The following MXD4 variants were observed in gnomAD, a reference collection of about 807,000 sequenced individuals.
The protein encoded by MXD4 is MAX dimerization protein 4.
A neutral mutation model predicts 24.5 loss-of-function variants in MXD4; 16 were observed. The observed-to-expected ratio is 0.65, with a 90% CI of 0.44 to 0.99. MXD4 has a LOEUF of 0.99. Among genes scored for constraint, MXD4 ranks in the 50% least tolerant of loss-of-function variants. MXD4 has a pLI of 0.00. For synonymous variants in MXD4, 164 were observed against 134.2 expected, an observed-to-expected ratio of 1.22 and a Z score of -1.54; for missense variants, 301 against 301.5, an observed-to-expected ratio of 1.00 and a Z score of 0.01.
rs567575145 is a variant in MXD4 at position 2,257,928 on chromosome 4, G to A, written c.194+54C>T. The A allele has an allele frequency of 2.4e-5, 39 of 1,607,686 alleles. No individual in the cohort carries two copies. In the African/African-American group the frequency reaches 4.9e-4, roughly 20 times the overall value. On this transcript the variant is annotated intron_variant, in intron 3 of 5. Transcript: ENST00000337190. ...AGGCTCAACGCACCACACACCCTCA[G>A]TAAAAGGGTGGGCCAGGTGTCGGGC...
At position 2,250,058 on chromosome 4, in the gene MXD4, C is replaced by T. The variant is rs761356585; in HGVS notation, c.*486G>A. ...TTCCCGCCCTTCACAGACCCCTTGT[C>T]CACGCCAGGAGCCTATGTGGACTGA... is the stretch of plus-strand genomic sequence containing the variant. On this transcript the variant is annotated 3_prime_UTR_variant, in exon 6 of 6. Transcript: ENST00000337190. 1.2e-5 allele frequency: 2 copies of T among 160,166 alleles called. No homozygotes were observed. The highest frequency in any genetic ancestry group is 2.8e-5 in the Non-Finnish European group (2 of 71,446). The allele number at this position is 160,166 out of a possible 1,614,324, so 9.9% of individuals were successfully genotyped here. A position where few individuals can be genotyped will look rare whatever the true frequency, so the allele number is the denominator to read the frequency against.
Position 2,251,333 on chromosome 4 carries a change from C to T in MXD4, c.310-87G>A, listed in dbSNP as rs868491620. ...AGGCACTGGGGCACCCAGGCCTGGGCCCGGGAGGTTCCCCATCCCTGCCAA... is the reference window on the plus strand; with the variant it reads ...AGGCACTGGGGCACCCAGGCCTGGGTCCGGGAGGTTCCCCATCCCTGCCAA... On this transcript the variant is annotated intron_variant, in intron 4 of 5. Transcript: ENST00000337190. 31 of 1,415,894 alleles carry T rather than the reference C, an allele frequency of 2.2e-5. 2 individuals are homozygous for T. In the Middle Eastern group the frequency reaches 7.0e-4, roughly 32 times the overall value. 87.7% of individuals were successfully genotyped at this position (1,415,894 alleles called of 1,614,324 possible).
chr4:2,251,552 C>T (rs966449489), intron 4 of MXD4, among the ~76,000 whole-genome samples: 6 of 152,258 alleles, frequency 3.9e-5, no homozygotes, highest in East Asian at 1.9e-4. Flanking sequence ...TGTGTGGCAG[C>T]GGGTCAGTGC....
At chr4:2,252,150 GCTT>G (rs1735336517) in intron 4 of MXD4, among the ~76,000 whole-genome samples, 1 of 152,226 alleles carries the variant, frequency 6.6e-6, no homozygotes, top group South Asian at 2.1e-4. Context: ...CTGCGATGCG[GCTT>G]CTTATGCCAT....
In MXD4 at chr4:2,250,136, C is replaced by T. The variant is rs1261637722; in HGVS notation, c.*408G>A. 1 of 194,162 alleles carries T rather than the reference C, an allele frequency of 5.2e-6. No homozygotes were observed. Among genetic ancestry groups the T allele is most frequent in the African/African-American group, 2.3e-5 (1 of 42,878 alleles). 12.0% of individuals were successfully genotyped at this position (194,162 alleles called of 1,614,324 possible). On this transcript the variant is annotated 3_prime_UTR_variant, in exon 6 of 6. Transcript: ENST00000337190. ...ACAGACAGCCTTGCCTTCCTTCCTTCCTCGGTCCACTCCTTTCTCCTGGGA... is the reference window on the plus strand; with the variant it reads ...ACAGACAGCCTTGCCTTCCTTCCTTTCTCGGTCCACTCCTTTCTCCTGGGA...
At position 2,257,883 on chromosome 4, in the gene MXD4, G is replaced by C. The variant is rs976005336; in HGVS notation, c.194+99C>G. On this transcript the variant is annotated intron_variant, in intron 3 of 5. Transcript: ENST00000337190. ...AGGACACAGCCTGGCAGCACGGCTG[G>C]CCGTGCCCGGGACAGGGGCAGGCTC... 13 of 1,494,976 alleles carry C rather than the reference G, an allele frequency of 8.7e-6. No individual in the cohort carries two copies. In the African/African-American group the frequency reaches 1.6e-4, roughly 19 times the overall value. 92.6% of individuals were successfully genotyped at this position (1,494,976 alleles called of 1,614,324 possible).
chr4:2,250,303 G>A lies in MXD4; in HGVS notation c.*241C>T. On this transcript the variant is annotated 3_prime_UTR_variant, in exon 6 of 6. Coordinates refer to ENST00000337190, the MANE Select transcript of MXD4 (RefSeq NM_006454.3). ...ACCGTGGGCGGCTATGCTGACCAGG[G>A]CTCCGGATGTGGAAGCTGGGCCCTG... 1.7e-6 allele frequency: 1 copy of A among 582,880 alleles called. No individual in the cohort carries two copies. The highest frequency in any genetic ancestry group is 3.0e-6 in the Non-Finnish European group (1 of 330,044). The allele number at this position is 582,880 out of a possible 1,614,324, so 36.1% of individuals were successfully genotyped here. A position where few individuals can be genotyped will look rare whatever the true frequency, so the allele number is the denominator to read the frequency against.
chr4:2,260,675 G>A (rs1199315293), intron 2 of MXD4: 1 of 430,992 alleles, frequency 2.3e-6, no homozygotes, highest in Non-Finnish European at 4.7e-6. Flanking sequence ...CAGGGCAGCT[G>A]GAGACTCAAC....
chr4:2,258,533 G>A (rs992211934), intron 2 of MXD4, among the ~76,000 whole-genome samples: 2 of 152,154 alleles, frequency 1.3e-5, no homozygotes, highest in Non-Finnish European at 2.9e-5. Context: ...GGCCAGCTGT[G>A]TCCTTGGAGC....
At chr4:2,259,103 G>C (rs1735489251) in intron 2 of MXD4, 1 of 382,590 alleles carries the variant, frequency 2.6e-6, no homozygotes, top group African/African-American at 2.1e-5. Flanking sequence ...GGCACCTCCA[G>C]ACCCAGCCCT....
intron 4 of MXD4, among the ~76,000 whole-genome samples, chr4:2,251,762 T>C (rs1438486996): frequency 6.6e-6 from 1 of 152,200 alleles, no homozygotes; most frequent in African/African-American, 2.4e-5. Context: ...CCCAGGGCTC[T>C]GGTTGTGCCC....
In MXD4 at chr4:2,250,656, C is replaced by A. The variant is rs1735301126; in HGVS notation, c.518G>T (p.Ser173Ile). Residue 173 changes from serine to isoleucine, a missense_variant, in exon 6 of 6, where the codon AGT becomes ATT. Coordinates refer to ENST00000337190, the MANE Select transcript of MXD4 (RefSeq NM_006454.3). ...GMEFGPGELDSVGSSSDADDH... is the reference protein window; with the variant it reads ...GMEFGPGELDIVGSSSDADDH... ...GTCCGCGTCACTGCTGCTGCCAACA[C>A]TGTCCAGCTCACCAGGGCCAAACTC... 3 of 1,613,658 alleles carry A rather than the reference C, an allele frequency of 1.9e-6. No homozygotes were observed. Among genetic ancestry groups the A allele is most frequent in the Non-Finnish European group, 2.5e-6 (3 of 1,179,974 alleles).
At chr4:2,250,724 G>T (rs1057380218) in intron 5 of MXD4, 23 bp from the exon 6 acceptor site, 1 of 1,609,368 alleles carries the variant, frequency 6.2e-7, no homozygotes, top group Non-Finnish European at 8.5e-7. Flanking sequence ...GAGTGGGGAT[G>T]GGGTCAGGCC....
intron 2 of MXD4, 47 bp downstream of exon 2, chr4:2,261,678 C>CGGGGGT (rs1735549794): frequency 9.6e-7 from 1 of 1,039,536 alleles, no homozygotes; most frequent in Non-Finnish European, 1.2e-6. Context: ...CGGGCGGGGG[C>CGGGGGT]GGGGGTTCGG....
chr4:2,252,262 G>A (rs565703589), intron 4 of MXD4, 146 bp downstream of exon 4: 17 of 666,238 alleles, frequency 2.6e-5, no homozygotes, highest in East Asian at 1.4e-4. Context: ...CCAGGCCCCC[G>A]ACACACACCC....
intron 2 of MXD4, chr4:2,258,863 A>T (rs1244617217): frequency 4.4e-6 from 2 of 454,986 alleles, no homozygotes; most frequent in Admixed American, 4.7e-5. Flanking sequence ...CTCTGGGGAC[A>T]GTGGCCCCAC....
chr4:2,253,286 G>A (rs954493024), intron 3 of MXD4: 5 of 152,224 alleles, frequency 3.3e-5, no homozygotes, highest in African/African-American at 1.2e-4. Context: ...TGTCTGCGGG[G>A]GAGGCTGGTG....
In MXD4 at chr4:2,247,790, C is replaced by G. The variant is rs1008226426; in HGVS notation, c.*2754G>C. On this transcript the variant is annotated 3_prime_UTR_variant, in exon 6 of 6. Coordinates refer to ENST00000337190, the MANE Select transcript of MXD4 (RefSeq NM_006454.3). The stretch of plus-strand genomic sequence containing the variant: ...ACAGACCGGTACAGGGTTCCACCAC[C>G]CGGGGACACAGGCCCAAGCACCGTG... 1.3e-5 allele frequency: 2 copies of G among 152,452 alleles called. No homozygotes were observed. The highest frequency in any genetic ancestry group is 2.9e-5 in the Non-Finnish European group (2 of 68,202). The allele number at this position is 152,452 out of a possible 1,614,324, so 9.4% of individuals were successfully genotyped here.
chr4:2,254,538 C>T (rs1056988449), intron 3 of MXD4: 3 of 151,972 alleles, frequency 2.0e-5, no homozygotes, highest in African/African-American at 7.3e-5. Flanking sequence ...GAGAAAGACA[C>T]GTTTGCACAA....
Sources: gnomAD v4.1 joint callset for allele counts (sites outside exome capture counted in the v4.1 genomes callset) on GRCh38, gnomAD v4.1.1 for gene constraint, MANE v1.5 for transcripts, NCBI Gene and HGNC (gene_info 2026-07-23, HGNC 2026-07-21) for gene names.